The following DYNC1I1 variants were observed in gnomAD, a reference collection of about 807,000 sequenced individuals.
DYNC1I1 encodes the protein cytoplasmic dynein 1 intermediate chain 1.
DYNC1I1 carries 43 observed loss-of-function variants against 86.6 expected under a neutral mutation model. The ratio of observed to expected loss-of-function variants is 0.50; its 90% CI spans 0.39 to 0.64. The LOEUF (loss-of-function observed/expected upper bound fraction) is 0.64, where lower values mean the gene tolerates loss of function less well. Among genes scored for constraint, DYNC1I1 ranks in the 30% least tolerant of loss-of-function variants. The probability of loss-of-function intolerance (pLI) is 0.00; values close to 1 mark genes in which losing one functional copy is unlikely to be tolerated. For synonymous variants in DYNC1I1, 262 were observed against 283.7 expected (o/e 0.92, Z 0.77); for missense variants, 604 against 788.8 (o/e 0.77, Z 2.81).
At position 95,813,222 on chromosome 7, in the gene DYNC1I1, G is replaced by C. The variant is rs758793823; in HGVS notation, c.224-25G>C. 4.3e-6 allele frequency: 7 copies of C among 1,612,160 alleles called. No individual in the cohort carries two copies. In the African/African-American group the frequency reaches 6.7e-5, roughly 15 times the overall value. On this transcript the variant is annotated intron_variant, in intron 3 of 16. Transcript: ENST00000447467. Reference sequence around the variant, plus strand: ...GCAGCCGCTGCATTTTTTAACATGGGATACCTGTTATTTTCATTATTTAGT... The same window carrying C: ...GCAGCCGCTGCATTTTTTAACATGGCATACCTGTTATTTTCATTATTTAGT...
At chr7:95,915,202 G>A (rs1791438169) in intron 6 of DYNC1I1, among the ~76,000 whole-genome samples, 1 of 152,144 alleles carries the variant, frequency 6.6e-6, no homozygotes, top group South Asian at 2.1e-4. Flanking sequence ...ACATAATAAC[G>A]AACTATAGTA....
intron 14 of DYNC1I1, among the ~76,000 whole-genome samples, chr7:96,065,680 G>A (rs943985601): frequency 2.0e-5 from 3 of 152,080 alleles, no homozygotes; most frequent in African/African-American, 4.8e-5. Context: ...GAGCCACCGC[G>A]CCGAGCATCC....
chr7:95,904,009 CA>C (rs1156619962), intron 6 of DYNC1I1, among the ~76,000 whole-genome samples: 1 of 152,140 alleles, frequency 6.6e-6, no homozygotes, highest in Admixed American at 6.6e-5. Context: ...AATGTGTTGA[CA>C]GTTTGGCAAC....
intron 9 of DYNC1I1, among the ~76,000 whole-genome samples, chr7:95,992,950 T>C (rs1793767962): frequency 6.6e-6 from 1 of 152,026 alleles, no homozygotes; most frequent in Non-Finnish European, 1.5e-5. Context: ...AGAAAAAAAA[T>C]GGGGTTGAGA....
intron 2 of DYNC1I1, among the ~76,000 whole-genome samples, chr7:95,806,819 A>G (rs534474065): frequency 1.3e-5 from 2 of 152,212 alleles, no homozygotes; most frequent in South Asian, 4.1e-4. Context: ...GATTCTGTCC[A>G]TGCACTCTCT....
intron 5 of DYNC1I1, among the ~76,000 whole-genome samples, chr7:95,868,094 C>G (rs910236480): frequency 3.3e-5 from 5 of 152,176 alleles, no homozygotes; most frequent in Non-Finnish European, 7.3e-5. Flanking sequence ...GTCACTTGTG[C>G]AAAGCTCAGC....
chr7:96,047,501 A>G (rs1420271333), intron 14 of DYNC1I1, among the ~76,000 whole-genome samples: 1 of 152,226 alleles, frequency 6.6e-6, no homozygotes, highest in African/African-American at 2.4e-5. Flanking sequence ...GTTAAACACC[A>G]GAGATATCAA....
rs573041248 is a variant in DYNC1I1, at chr7:95,884,259, C to T, written c.490+14261C>T. On this transcript the variant is annotated intron_variant, in intron 6 of 16. Transcript: ENST00000447467. ...TGGTTCAGCAGAAGGGAGTAAGCTC[C>T]AGGTAAACATGCAGCACAAATGAGG... 7.9e-5 allele frequency among the ~76,000 whole-genome samples: 12 copies of T among 152,252 alleles called. No individual in the cohort carries two copies. In the South Asian group the frequency reaches 2.5e-3, roughly 32 times the overall value.
At chr7:95,993,711 T>C (rs1793787694) in intron 9 of DYNC1I1, among the ~76,000 whole-genome samples, 1 of 152,230 alleles carries the variant, frequency 6.6e-6, no homozygotes, top group African/African-American at 2.4e-5. Context: ...TGTAACTCTC[T>C]GCAGATTTCT....
intron 10 of DYNC1I1, among the ~76,000 whole-genome samples, chr7:96,004,198 T>C (rs1347775919): frequency 1.3e-5 from 2 of 152,242 alleles, no homozygotes; most frequent in African/African-American, 4.8e-5. Flanking sequence ...TTTCCGTTTT[T>C]ATATCCGATT....
intron 10 of DYNC1I1, among the ~76,000 whole-genome samples, chr7:96,000,615 C>T (rs766724189): frequency 3.9e-5 from 6 of 152,144 alleles, no homozygotes; most frequent in East Asian, 1.9e-4. Context: ...ATGACCGATC[C>T]GATGAGCTAG....
At chr7:95,882,482 T>C (rs1461163066) in intron 6 of DYNC1I1, among the ~76,000 whole-genome samples, 1 of 152,144 alleles carries the variant, frequency 6.6e-6, no homozygotes, top group East Asian at 1.9e-4. Context: ...TCATTCACAG[T>C]GGTAACTTCA....
At chr7:96,065,117 C>T (rs1021176257) in intron 14 of DYNC1I1, among the ~76,000 whole-genome samples, 2 of 152,154 alleles carry the variant, frequency 1.3e-5, no homozygotes, top group African/African-American at 4.8e-5. Context: ...TGCCAACCAC[C>T]CTCAACCAAC....
chr7:96,062,111 C>A (rs955460620), intron 14 of DYNC1I1, among the ~76,000 whole-genome samples: 3 of 152,196 alleles, frequency 2.0e-5, no homozygotes, highest in African/African-American at 7.2e-5. Flanking sequence ...CCCTTCGCCT[C>A]TGGAGCCAGG....
At chr7:95,953,998 G>C (rs1190157705) in intron 6 of DYNC1I1, among the ~76,000 whole-genome samples, 1 of 152,066 alleles carries the variant, frequency 6.6e-6, no homozygotes, top group Non-Finnish European at 1.5e-5. Flanking sequence ...ACAAAGAAAA[G>C]GGGTTCCCAT....
intron 6 of DYNC1I1, among the ~76,000 whole-genome samples, chr7:95,887,519 T>A (rs1790625454): frequency 6.6e-6 from 1 of 152,166 alleles, no homozygotes; most frequent in African/African-American, 2.4e-5. Flanking sequence ...ATCTCTTTCA[T>A]TTAAACTTTA....
chr7:95,772,980 C>T (rs937011176), intron 1 of DYNC1I1, among the ~76,000 whole-genome samples: 1 of 152,292 alleles, frequency 6.6e-6, no homozygotes, highest in East Asian at 1.9e-4. Flanking sequence ...AGTGACACCC[C>T]CCTCTCGGCA....
chr7:95,978,778 T>C (rs561137341), intron 7 of DYNC1I1, among the ~76,000 whole-genome samples: 1 of 151,938 alleles, frequency 6.6e-6, no homozygotes, highest in South Asian at 2.1e-4. Flanking sequence ...ATGACATCCA[T>C]ATCATATGGA....
intron 11 of DYNC1I1, among the ~76,000 whole-genome samples, chr7:96,031,798 G>T (rs1794813486): frequency 6.6e-6 from 1 of 152,170 alleles, no homozygotes; most frequent in African/African-American, 2.4e-5. Context: ...GCCACTGGTG[G>T]CTGAACTGCC....
Sources: allele counts gnomAD v4.1 joint callset (sites outside exome capture counted in the v4.1 genomes callset), GRCh38; gene constraint gnomAD v4.1.1; transcripts MANE v1.5; gene names NCBI Gene and HGNC (gene_info 2026-07-23, HGNC 2026-07-21).